MEF2C: variants seen among roughly 807,000 people sequenced by gnomAD.
MEF2C encodes the protein myocyte-specific enhancer factor 2C.
MEF2C carries 6 observed loss-of-function variants against 50.5 expected under a neutral mutation model. The ratio of observed to expected loss-of-function variants is 0.12; its 90% CI spans 0.07 to 0.23. The LOEUF (loss-of-function observed/expected upper bound fraction) is 0.23, where lower values mean the gene tolerates loss of function less well. Ranked by LOEUF, MEF2C falls within the 10% of genes least tolerant of loss-of-function variation. The probability of loss-of-function intolerance (pLI) is 1.00; values close to 1 mark genes in which losing one functional copy is unlikely to be tolerated. For missense variants in MEF2C, 276 were observed against 605.0 expected (o/e 0.46, Z 5.70); for synonymous variants, 183 against 228.0 (o/e 0.80, Z 1.78).
intron 1 of MEF2C, among the ~76,000 whole-genome samples, chr5:88,860,610 C>T (rs1233740009): frequency 6.6e-6 from 1 of 152,146 alleles, no homozygotes; most frequent in African/African-American, 2.4e-5. Flanking sequence ...AGCAGAGCTG[C>T]CCCGCTCAGC....
chr5:88,783,220 T>TA (rs1395952846), intron 3 of MEF2C, among the ~76,000 whole-genome samples: 1 of 152,224 alleles, frequency 6.6e-6, no homozygotes, highest in Non-Finnish European at 1.5e-5. Context: ...TTGTAAACCT[T>TA]ACCAAGTGTC....
At chr5:88,797,867 T>G (rs571765460) in intron 3 of MEF2C, among the ~76,000 whole-genome samples, 1 of 152,330 alleles carries the variant, frequency 6.6e-6, no homozygotes, top group Non-Finnish European at 1.5e-5. Flanking sequence ...CAGTATTCGC[T>G]TGTCTGTAAA....
At chr5:88,892,932 G>A (rs779417329) in intron 1 of MEF2C, among the ~76,000 whole-genome samples, 6 of 152,186 alleles carry the variant, frequency 3.9e-5, no homozygotes, top group Non-Finnish European at 8.8e-5. Flanking sequence ...GGAAGGGGTA[G>A]CCCACAGAAT....
chr5:88,773,776 G>A (rs622803), intron 3 of MEF2C, among the ~76,000 whole-genome samples: 1 of 152,070 alleles, frequency 6.6e-6, no homozygotes, highest in Admixed American at 6.5e-5. Context: ...CCTCTCTCGC[G>A]TTTTAGTCAG....
intron 2 of MEF2C, among the ~76,000 whole-genome samples, chr5:88,817,029 G>A (rs1157888909): frequency 6.6e-6 from 1 of 151,558 alleles, no homozygotes; most frequent in African/African-American, 2.4e-5. Flanking sequence ...GTTTGTGGAG[G>A]TGGCCAAAAA....
At chr5:88,834,977 G>A (rs1342325960) in intron 1 of MEF2C, among the ~76,000 whole-genome samples, 3 of 152,124 alleles carry the variant, frequency 2.0e-5, no homozygotes, top group Non-Finnish European at 2.9e-5. Flanking sequence ...TATAAAAATT[G>A]TAAATACTTT....
intron 1 of MEF2C, among the ~76,000 whole-genome samples, chr5:88,891,389 C>T (rs1330197261): frequency 1.5e-5 from 2 of 137,896 alleles, no homozygotes; most frequent in African/African-American, 6.1e-5. Context: ...AATAACCAAC[C>T]AACCTTTTTT....
At chr5:88,847,853 T>C (rs1200510249) in intron 1 of MEF2C, among the ~76,000 whole-genome samples, 1 of 152,212 alleles carries the variant, frequency 6.6e-6, no homozygotes, top group Non-Finnish European at 1.5e-5. Flanking sequence ...TTTGTTTATC[T>C]CATTTATATT....
At chr5:88,870,945 T>C (rs1829321852) in intron 1 of MEF2C, among the ~76,000 whole-genome samples, 1 of 152,120 alleles carries the variant, frequency 6.6e-6, no homozygotes, top group Non-Finnish European at 1.5e-5. Context: ...AATGTGACTA[T>C]TGTAAATGTT....
At chr5:88,876,007 T>C (rs536215901) in intron 1 of MEF2C, among the ~76,000 whole-genome samples, 1 of 151,450 alleles carries the variant, frequency 6.6e-6, no homozygotes. Flanking sequence ...TCTTTCTTTA[T>C]CCTGAGTGTA....
chr5:88,810,681 C>T (rs1802405357), intron 2 of MEF2C, among the ~76,000 whole-genome samples: 1 of 152,054 alleles, frequency 6.6e-6, no homozygotes, highest in African/African-American at 2.4e-5. Flanking sequence ...ATTAATGAGG[C>T]CGACTTAATT....
chr5:88,810,818 G>T (rs1422990242), intron 2 of MEF2C, among the ~76,000 whole-genome samples: 2 of 152,060 alleles, frequency 1.3e-5, no homozygotes, highest in Non-Finnish European at 2.9e-5. Flanking sequence ...TATCAGATCT[G>T]CATGCAACGT....
intron 4 of MEF2C, 142 bp downstream of exon 4, chr5:88,761,043 T>G: frequency 3.1e-6 from 5 of 1,611,204 alleles, no homozygotes; most frequent in Non-Finnish European, 4.2e-6. Context: ...TTTTTTGTAT[T>G]TTTCTTCAGT....
chr5:88,753,186 C>T (rs1773667721), intron 4 of MEF2C, among the ~76,000 whole-genome samples: 1 of 152,044 alleles, frequency 6.6e-6, no homozygotes, highest in South Asian at 2.1e-4. Context: ...ATACATCTTT[C>T]TGTGTAATAT....
chr5:88,787,733 T>C (rs1243508932), intron 3 of MEF2C, among the ~76,000 whole-genome samples: 1 of 152,216 alleles, frequency 6.6e-6, no homozygotes, highest in Non-Finnish European at 1.5e-5. Context: ...GGAGTCTGGA[T>C]GAAGATAAAA....
At chr5:88,821,503 G>A (rs1808351603) in intron 2 of MEF2C, among the ~76,000 whole-genome samples, 1 of 151,790 alleles carries the variant, frequency 6.6e-6, no homozygotes, top group Admixed American at 6.6e-5. Flanking sequence ...GGGCTCCAGT[G>A]ATCTGCATCT....
At chr5:88,862,101 C>T (rs1561384434) in intron 1 of MEF2C, among the ~76,000 whole-genome samples, 1 of 152,122 alleles carries the variant, frequency 6.6e-6, no homozygotes, top group Non-Finnish European at 1.5e-5. Context: ...CTAGCAGCTG[C>T]GACCAAAAGG....
intron 1 of MEF2C, chr5:88,827,171 C>G (rs1237524685): frequency 6.6e-6 from 1 of 151,932 alleles, no homozygotes; most frequent in African/African-American, 2.4e-5. Context: ...CATTCTCCCA[C>G]TGGGCTATCT....
At chr5:88,809,150 A>G (rs1363208823) in intron 2 of MEF2C, among the ~76,000 whole-genome samples, 1 of 152,130 alleles carries the variant, frequency 6.6e-6, no homozygotes, top group African/African-American at 2.4e-5. Flanking sequence ...TAAGTTTTAT[A>G]GTGGCCCTGA....
Sources: allele counts gnomAD v4.1 joint callset (sites outside exome capture counted in the v4.1 genomes callset), GRCh38; gene constraint gnomAD v4.1.1; transcripts MANE v1.5; gene names NCBI Gene and HGNC (gene_info 2026-07-23, HGNC 2026-07-21).